Variants in GALNT13 observed in about 807,000 individuals in gnomAD.
GALNT13 encodes UDP-GalNAc:polypeptide N-acetylgalactosaminyltransferase 13.
GALNT13 carries 28 observed loss-of-function variants against 64.2 expected under a neutral mutation model. The observed-to-expected ratio is 0.44, with a 90% CI of 0.32 to 0.60. The LOEUF is 0.60. Among genes scored for constraint, GALNT13 ranks in the 20% least tolerant of loss-of-function variants. The pLI is 0.05. For missense variants in GALNT13, 577 were observed against 669.8 expected (o/e 0.86, Z 1.53); for synonymous variants, 214 against 224.6 (o/e 0.95, Z 0.42).
chr2:153,236,736 G>T, the GALNT13 span, among the ~76,000 whole-genome samples: 2 of 152,092 alleles, frequency 1.3e-5, no homozygotes, highest in African/African-American at 4.8e-5. Context: ...TGATGGAGAT[G>T]CACAAGGAGA....
At chr2:153,553,009 G>A in the GALNT13 span, among the ~76,000 whole-genome samples, 8 of 152,122 alleles carry the variant, frequency 5.3e-5, no homozygotes, top group African/African-American at 1.9e-4. Context: ...ACCACAGACT[G>A]GTATCAGTAT....
At chr2:153,350,056 G>A in the GALNT13 span, among the ~76,000 whole-genome samples, 1 of 152,150 alleles carries the variant, frequency 6.6e-6, no homozygotes, top group African/African-American at 2.4e-5. Context: ...TCTTACCGAG[G>A]TATAGTCCTT....
chr2:154,182,545 T>C (rs1686016512), intron 4 of GALNT13, among the ~76,000 whole-genome samples: 1 of 151,682 alleles, frequency 6.6e-6, no homozygotes, highest in East Asian at 1.9e-4. Flanking sequence ...TTAAAAATTA[T>C]TGAGGAACCC....
At chr2:154,449,480 C>A (rs7419469) in intron 12 of GALNT13, among the ~76,000 whole-genome samples, 6 of 123,862 alleles carry the variant, frequency 4.8e-5, no homozygotes, top group South Asian at 4.8e-4. Flanking sequence ...TGGTAATTTG[C>A]AAAAAAAAAA....
the GALNT13 span, among the ~76,000 whole-genome samples, chr2:153,301,829 A>T: frequency 6.6e-6 from 1 of 151,930 alleles, no homozygotes; most frequent in African/African-American, 2.4e-5. Context: ...CCATGTTGTC[A>T]TAAATGACAG....
Position 154,396,000 on chromosome 2 carries a change from A to G in GALNT13, c.1166A>G (p.Lys389Arg). 2 of 1,599,276 alleles carry G rather than the reference A, an allele frequency of 1.3e-6. No individual in the cohort carries two copies. Among genetic ancestry groups the G allele is most frequent in the Non-Finnish European group, 1.7e-6 (2 of 1,174,434 alleles). Residue 389 changes from lysine to arginine, a missense_variant, in exon 10 of 13, where the codon AAA (lysine) becomes AGA (arginine). By Grantham distance (26) the Lys-to-Arg change is conservative (BLOSUM62 2). Coordinates refer to ENST00000392825, the MANE Select transcript of GALNT13 (RefSeq NM_052917.4). ...FFYIISPGVV[K>R]VDYGDVSVRK... ...CTCTGAAAAATTCCAGGTGTTGTCAAAGTGGATTATGGAGATGTGTCAGTC... is the reference window on the plus strand; with the variant it reads ...CTCTGAAAAATTCCAGGTGTTGTCAGAGTGGATTATGGAGATGTGTCAGTC...
the GALNT13 span, among the ~76,000 whole-genome samples, chr2:153,363,488 C>T: frequency 6.6e-6 from 1 of 151,908 alleles, no homozygotes; most frequent in Non-Finnish European, 1.5e-5. Flanking sequence ...AGACCACTAG[C>T]TTGACTAGTA....
the GALNT13 span, among the ~76,000 whole-genome samples, chr2:153,177,238 A>C: frequency 6.6e-6 from 1 of 152,154 alleles, no homozygotes. Flanking sequence ...TAGATTATTA[A>C]TGTAGCCCTG....
At chr2:153,260,992 G>C in the GALNT13 span, among the ~76,000 whole-genome samples, 1 of 151,986 alleles carries the variant, frequency 6.6e-6, no homozygotes, top group Non-Finnish European at 1.5e-5. Context: ...AAGAGACTCT[G>C]ATGCATTCTT....
At chr2:154,164,863 T>A (rs1684938768) in intron 4 of GALNT13, among the ~76,000 whole-genome samples, 1 of 152,082 alleles carries the variant, frequency 6.6e-6, no homozygotes, top group South Asian at 2.1e-4. Context: ...AAGTTTTTGG[T>A]TTATAATAAG....
intron 8 of GALNT13, among the ~76,000 whole-genome samples, chr2:154,262,352 C>T (rs985196140): frequency 6.6e-6 from 1 of 152,140 alleles, no homozygotes; most frequent in African/African-American, 2.4e-5. Flanking sequence ...AAGACGCTAA[C>T]ATGCAAATAC....
the GALNT13 span, among the ~76,000 whole-genome samples, chr2:153,501,217 G>T: frequency 6.6e-6 from 1 of 152,108 alleles, no homozygotes; most frequent in Non-Finnish European, 1.5e-5. Flanking sequence ...TTCAAAGAAG[G>T]CAAAGCTTTT....
In GALNT13 at chr2:154,235,044, G is replaced by A. The variant is rs150173245; in HGVS notation, c.312-6986G>A. Among the ~76,000 whole-genome samples, 1,029 of 152,166 alleles carry A rather than the reference G, an allele frequency of 6.8e-3. 11 individuals are homozygous for A. The highest frequency in any genetic ancestry group is 0.024 in the African/African-American group (995 of 41,554). ...TCCTGTTCCTATTTTGTCCAGCACC[G>A]CTATCTCCCACCTGAGATTCCTACG... On this transcript the variant is annotated intron_variant, in intron 4 of 12. Transcript: ENST00000392825.
chr2:153,404,048 C>G, the GALNT13 span, among the ~76,000 whole-genome samples: 1 of 152,156 alleles, frequency 6.6e-6, no homozygotes, highest in African/African-American at 2.4e-5. Flanking sequence ...TGCAAATCTC[C>G]CCTTTCATTA....
chr2:153,906,275 A>G (rs1387209276), intron 2 of GALNT13, among the ~76,000 whole-genome samples: 3 of 150,226 alleles, frequency 2.0e-5, no homozygotes, highest in African/African-American at 7.4e-5. Flanking sequence ...TTTAAGTTTT[A>G]GGGTACATGT....
the GALNT13 span, among the ~76,000 whole-genome samples, chr2:153,535,687 CT>C: frequency 6.6e-6 from 1 of 152,194 alleles, no homozygotes; most frequent in Non-Finnish European, 1.5e-5. Context: ...TTGTCCAGTC[CT>C]TTTTAAGTTG....
At chr2:153,963,449 G>A (rs975449686) in intron 3 of GALNT13, among the ~76,000 whole-genome samples, 1 of 152,160 alleles carries the variant, frequency 6.6e-6, no homozygotes, top group African/African-American at 2.4e-5. Context: ...AAGGATGGAA[G>A]TGCTGAGTCA....
At chr2:153,087,016 A>T in the GALNT13 span, among the ~76,000 whole-genome samples, 3 of 152,196 alleles carry the variant, frequency 2.0e-5, no homozygotes, top group Non-Finnish European at 4.4e-5. Flanking sequence ...CTTCTGTACT[A>T]TGTTGAATAG....
intron 4 of GALNT13, among the ~76,000 whole-genome samples, chr2:154,159,285 C>A (rs985231552): frequency 1.3e-5 from 2 of 151,996 alleles, no homozygotes; most frequent in African/African-American, 4.8e-5. Context: ...CAGGCACATG[C>A]CACCATGCCA....
Sources: allele counts gnomAD v4.1 joint callset (sites outside exome capture counted in the v4.1 genomes callset), GRCh38; gene constraint gnomAD v4.1.1; transcripts MANE v1.5; gene names NCBI Gene and HGNC (gene_info 2026-07-23, HGNC 2026-07-21).